Variants in PSD3 observed in about 807,000 individuals in gnomAD.
The protein encoded by PSD3 is pleckstrin and Sec7 domain containing 3.
Under a neutral mutation model 105.5 loss-of-function variants are expected in PSD3, and 49 were observed. The observed-to-expected ratio is 0.46, with a 90% CI of 0.37 to 0.59. PSD3 has a LOEUF of 0.59. Among genes scored for constraint, PSD3 ranks in the 20% least tolerant of loss-of-function variants. The pLI, the probability that PSD3 is intolerant of heterozygous loss-of-function variation, is 0.00. For synonymous variants in PSD3, 557 were observed against 457.8 expected (o/e 1.22, Z -2.77); for missense variants, 1,561 against 1,263.8 (o/e 1.24, Z -3.57).
At chr8:18,793,752 G>A (rs187669806) in intron 8 of PSD3, among the ~76,000 whole-genome samples, 5 of 152,264 alleles carry the variant, frequency 3.3e-5, no homozygotes, top group African/African-American at 9.6e-5. Flanking sequence ...AGACAGAAGA[G>A]GTATCCACAG....
chr8:18,575,190 C>G lies in PSD3; in HGVS notation c.2577G>C (p.Glu859Asp), dbSNP rs1209873690. 1 of 1,613,842 alleles carries G rather than the reference C, an allele frequency of 6.2e-7. No individual in the cohort carries two copies. The highest frequency in any genetic ancestry group is 8.5e-7 in the Non-Finnish European group (1 of 1,179,924). ...HALASKATDY[E>D]KKPNVFKLKT... Reference sequence around the variant, plus strand: ...TAAGTTTAAACACGTTTGGTTTCTTCTCATAGTCCGTGGCCTTGGATGCCA... The same window carrying G: ...TAAGTTTAAACACGTTTGGTTTCTTGTCATAGTCCGTGGCCTTGGATGCCA... Residue 859 changes from glutamate (E) to aspartate (D), a missense_variant, in exon 13 of 16, where the codon GAG becomes GAC. Coordinates refer to ENST00000327040, the MANE Select transcript of PSD3 (RefSeq NM_015310.4).
intron 8 of PSD3, among the ~76,000 whole-genome samples, chr8:18,772,417 G>C (rs335229): frequency 0.96 from 146,441 of 152,316 alleles, 70,576 homozygotes; most frequent in Non-Finnish European, 0.98. Flanking sequence ...AGCAATGATC[G>C]TAGTGGGTAT....
intron 2 of PSD3, among the ~76,000 whole-genome samples, chr8:18,911,302 G>T (rs1820206300): frequency 2.0e-5 from 3 of 152,160 alleles, no homozygotes; most frequent in African/African-American, 7.2e-5. Context: ...TAACAATTAA[G>T]AACAAAGCCA....
intron 2 of PSD3, among the ~76,000 whole-genome samples, chr8:18,934,504 G>C (rs996228022): frequency 2.6e-5 from 4 of 151,936 alleles, no homozygotes; most frequent in African/African-American, 9.7e-5. Flanking sequence ...TCTGCCTCTC[G>C]GGTTCATGCC....
At chr8:18,633,174 A>G (rs1807022169) in intron 10 of PSD3, among the ~76,000 whole-genome samples, 1 of 152,082 alleles carries the variant, frequency 6.6e-6, no homozygotes, top group Non-Finnish European at 1.5e-5. Flanking sequence ...CTTTCAAACA[A>G]GTGGGAGTTT....
intron 9 of PSD3, among the ~76,000 whole-genome samples, chr8:18,675,103 C>T (rs1246501835): frequency 1.3e-5 from 2 of 152,184 alleles, no homozygotes; most frequent in African/African-American, 2.4e-5. Flanking sequence ...AGCTGCTTCT[C>T]TCAAAGTACT....
chr8:18,605,404 G>C (rs1464663663), intron 11 of PSD3, among the ~76,000 whole-genome samples: 1 of 152,022 alleles, frequency 6.6e-6, no homozygotes, highest in African/African-American at 2.4e-5. Context: ...ATTCCTTTTG[G>C]AATGGGAATA....
chr8:18,562,163 G>A lies in PSD3; in HGVS notation c.2785-5811C>T, dbSNP rs139744119. On this transcript the variant is annotated intron_variant, in intron 14 of 15. Transcript: ENST00000327040. ...CGCCCATACAGCAGGCACTGTGCTG[G>A]GTGCTGGGAATAAGAAGAGGGAACA... Among the ~76,000 whole-genome samples the A allele has an allele frequency of 4.0e-3, 610 of 152,222 alleles. 5 individuals carry two copies. Among genetic ancestry groups the A allele is most frequent in the African/African-American group, 0.014 (584 of 41,520 alleles).
chr8:18,901,363 T>A (rs1563400452), intron 2 of PSD3, among the ~76,000 whole-genome samples: 1 of 152,224 alleles, frequency 6.6e-6, no homozygotes, highest in Non-Finnish European at 1.5e-5. Context: ...CTGGGTCATG[T>A]TTTTTCATCC....
chr8:18,981,513 T>A (rs1200640660), intron 1 of PSD3, among the ~76,000 whole-genome samples: 2 of 152,192 alleles, frequency 1.3e-5, no homozygotes, highest in Non-Finnish European at 2.9e-5. Flanking sequence ...AAGGAACAAG[T>A]AAGCTAGCAC....
chr8:18,618,492 A>C (rs1417408812), intron 11 of PSD3, among the ~76,000 whole-genome samples: 12 of 151,356 alleles, frequency 7.9e-5, no homozygotes, highest in South Asian at 2.1e-4. Context: ...ATGGCAAATG[A>C]TGAAATTCTA....
intron 4 of PSD3, among the ~76,000 whole-genome samples, chr8:18,821,164 T>A (rs1026471063): frequency 1.4e-5 from 2 of 142,504 alleles, no homozygotes; most frequent in Non-Finnish European, 1.5e-5. Flanking sequence ...CAAAACAAGG[T>A]ATTTTGAAAT....
Position 19,012,167 on chromosome 8 carries a change from ACTC to A in PSD3, c.21+1393_21+1395del, listed in dbSNP as rs576788129. On this transcript the variant is annotated intron_variant, in intron 1 of 15. Transcript: ENST00000327040. ...CAAGTCCCTTTCTTGATACCACTCT[ACTC>A]CTTTTAGTACAAAAAGCTTCTATTA... Among the ~76,000 whole-genome samples the A allele has an allele frequency of 2.4e-4, 36 of 149,144 alleles. No individual in the cohort carries two copies. In the East Asian group the frequency reaches 7.0e-3, roughly 29 times the overall value.
intron 1 of PSD3, among the ~76,000 whole-genome samples, chr8:19,004,421 C>T (rs1204129968): frequency 2.0e-5 from 3 of 152,052 alleles, no homozygotes; most frequent in African/African-American, 7.2e-5. Flanking sequence ...TAGAACTGTG[C>T]TAAGCCCTCT....
intron 2 of PSD3, among the ~76,000 whole-genome samples, chr8:18,923,041 C>T (rs1821135393): frequency 6.6e-6 from 1 of 152,154 alleles, no homozygotes; most frequent in Non-Finnish European, 1.5e-5. Context: ...AACTTCACCC[C>T]TCTCCCCTCC....
chr8:18,650,131 A>G (rs944647715), intron 10 of PSD3, among the ~76,000 whole-genome samples: 3 of 152,246 alleles, frequency 2.0e-5, no homozygotes, highest in Non-Finnish European at 2.9e-5. Flanking sequence ...AGAGAGGAAC[A>G]TTAATTTTCC....
chr8:18,781,067 G>A (rs1456851968), intron 8 of PSD3, among the ~76,000 whole-genome samples: 1 of 151,834 alleles, frequency 6.6e-6, no homozygotes, highest in African/African-American at 2.4e-5. Context: ...TGTTTGTTCT[G>A]CTTTTCACCA....
At chr8:18,981,843 G>A (rs1825267850) in intron 1 of PSD3, among the ~76,000 whole-genome samples, 1 of 152,206 alleles carries the variant, frequency 6.6e-6, no homozygotes, top group Non-Finnish European at 1.5e-5. Context: ...TCTTTTTGCT[G>A]ATGGAAGGTC....
intron 1 of PSD3, among the ~76,000 whole-genome samples, chr8:19,011,733 T>C (rs1462774683): frequency 6.6e-6 from 1 of 151,660 alleles, no homozygotes; most frequent in Non-Finnish European, 1.5e-5. Flanking sequence ...AAAACACACA[T>C]TAAGATTGGC....
Sources: allele counts gnomAD v4.1 joint callset (sites outside exome capture counted in the v4.1 genomes callset), GRCh38; gene constraint gnomAD v4.1.1; transcripts MANE v1.5; gene names NCBI Gene and HGNC (gene_info 2026-07-23, HGNC 2026-07-21).